The following TRPM8 variants were observed in gnomAD, a reference collection of about 807,000 sequenced individuals.
TRPM8 encodes transient receptor potential cation channel subfamily M member 8.
In TRPM8, 110 loss-of-function variants were observed where a neutral mutation model predicts 133.7. That is an observed-to-expected ratio of 0.82 (90% CI 0.70 to 0.96). The LOEUF is 0.96. TRPM8 is among the 40% of genes least tolerant of loss of function. TRPM8 has a pLI of 0.00. For synonymous variants in TRPM8, 535 were observed against 532.3 expected (o/e 1.01, Z -0.07); for missense variants, 1,291 against 1,379.5 (o/e 0.94, Z 1.02).
chr2:233,934,728 A>G (rs1041239821), intron 3 of TRPM8, among the ~76,000 whole-genome samples: 1 of 152,230 alleles, frequency 6.6e-6, no homozygotes, highest in Non-Finnish European at 1.5e-5. Flanking sequence ...CTATCAGCAG[A>G]GCAACTCCAG....
At chr2:233,998,840 C>A (rs1368704776) in intron 22 of TRPM8, among the ~76,000 whole-genome samples, 2 of 152,226 alleles carry the variant, frequency 1.3e-5, no homozygotes, top group African/African-American at 4.8e-5. Context: ...TTGCCCAGGA[C>A]TATCCCAATT....
At chr2:233,931,397 G>A (rs1691677315) in intron 3 of TRPM8, among the ~76,000 whole-genome samples, 1 of 152,130 alleles carries the variant, frequency 6.6e-6, no homozygotes, top group African/African-American at 2.4e-5. Flanking sequence ...CTGTTGGCTG[G>A]CAATGCAAGA....
rs757150662 is a variant in TRPM8, at chr2:233,937,502, A to C, written c.341A>C (p.Lys114Thr). 1 of 1,612,834 alleles carries C rather than the reference A, an allele frequency of 6.2e-7. No individual in the cohort carries two copies. Among genetic ancestry groups the C allele is most frequent in the South Asian group, 1.1e-5 (1 of 90,718 alleles). The change falls in exon 4 of 26, where the codon AAA becomes ACA. Residue 114 changes from lysine to threonine, a missense_variant. Lys to Thr is a moderately conservative substitution (Grantham distance 78). Around this residue, in one of 2 missense-constraint regions of TRPM8, gnomAD observed 963 missense variants for 968.9 expected, o/e 0.99. Coordinates refer to ENST00000324695, the MANE Select transcript of TRPM8 (RefSeq NM_024080.5). Reference protein sequence around the residue: ...GDIQFETLGKKGKYIRLSCDT... With the variant: ...GDIQFETLGKTGKYIRLSCDT... ...ATTCAGTTTGAGACACTGGGGAAGA[A>C]AGGGAAGGTAAGCAATGGTTTTCTA...
chr2:233,973,068 C>T (rs1034562808), intron 17 of TRPM8, among the ~76,000 whole-genome samples: 2 of 152,224 alleles, frequency 1.3e-5, no homozygotes, highest in Non-Finnish European at 2.9e-5. Context: ...CAGTGTTGAA[C>T]AGCAGGATTA....
intron 9 of TRPM8, among the ~76,000 whole-genome samples, chr2:233,950,365 T>C (rs1691146401): frequency 6.6e-6 from 1 of 151,950 alleles, no homozygotes; most frequent in Non-Finnish European, 1.5e-5. Context: ...TTTTTCAGAG[T>C]TTACTAAAAA....
chr2:233,962,475 C>T (rs141020596), intron 12 of TRPM8, among the ~76,000 whole-genome samples: 2 of 152,218 alleles, frequency 1.3e-5, no homozygotes, highest in East Asian at 1.9e-4. Flanking sequence ...TCCTTGAGAT[C>T]GTGTCCAAAA....
At chr2:233,953,824 T>G (rs1691226975) in intron 9 of TRPM8, 93 bp from the exon 10 acceptor site, 1 of 864,476 alleles carries the variant, frequency 1.2e-6, no homozygotes, top group Non-Finnish European at 1.8e-6. Context: ...CTACAGGTGG[T>G]CTTTTTAAAA....
At chr2:233,962,420 G>A (rs1177811984) in intron 12 of TRPM8, among the ~76,000 whole-genome samples, 2 of 151,956 alleles carry the variant, frequency 1.3e-5, no homozygotes, top group African/African-American at 4.8e-5. Context: ...CTTTTTATGG[G>A]GTTCCCTTTT....
intron 5 of TRPM8, 146 bp from the exon 6 acceptor site, chr2:233,942,430 C>T (rs1690932349): frequency 1.3e-6 from 1 of 765,488 alleles, no homozygotes; most frequent in Non-Finnish European, 2.2e-6. Flanking sequence ...CTGAGGTCCC[C>T]TCTCCTTCCT....
chr2:233,959,233 C>G (rs1377352281), intron 11 of TRPM8, among the ~76,000 whole-genome samples: 1 of 151,860 alleles, frequency 6.6e-6, no homozygotes, highest in Non-Finnish European at 1.5e-5. Context: ...ACCATGTTGA[C>G]GAGGCTGGTC....
intron 17 of TRPM8, among the ~76,000 whole-genome samples, chr2:233,977,237 A>G (rs921412906): frequency 1.3e-5 from 2 of 152,212 alleles, no homozygotes; most frequent in South Asian, 2.1e-4. Flanking sequence ...GAGTCCCATC[A>G]TGCCTTCACG....
chr2:233,927,868 TTC>T (rs765880261), intron 2 of TRPM8, among the ~76,000 whole-genome samples: 2 of 51,708 alleles, frequency 3.9e-5, no homozygotes, highest in Non-Finnish European at 6.1e-5. Context: ...TTCTCTTTCT[TTC>T]TTTCTTTCTT....
intron 9 of TRPM8, among the ~76,000 whole-genome samples, chr2:233,953,161 A>G (rs1559526521): frequency 6.6e-6 from 1 of 152,168 alleles, no homozygotes; most frequent in Non-Finnish European, 1.5e-5. Flanking sequence ...CTCACCTTCT[A>G]ATTTCCAAAT....
At chr2:233,946,616 CATA>C (rs1691049201) in intron 7 of TRPM8, among the ~76,000 whole-genome samples, 1 of 152,162 alleles carries the variant, frequency 6.6e-6, no homozygotes, top group South Asian at 2.1e-4. Context: ...TAATGATAGA[CATA>C]ATGACAGGAA....
In TRPM8 at chr2:233,966,550, G is replaced by T. The variant is rs150294587; in HGVS notation, c.1880-60G>T. On this transcript the variant is annotated intron_variant, in intron 14 of 25. Coordinates refer to ENST00000324695, the MANE Select transcript of TRPM8 (RefSeq NM_024080.5). The stretch of plus-strand genomic sequence containing the variant: ...AGGGGTTGGCTGGGGGTGGAAGCAG[G>T]ACAGTTTCGGTCATGTGCAGCTCTT... The T allele has an allele frequency of 2.6e-5, 41 of 1,605,774 alleles. No homozygotes were observed. In the East Asian group the frequency reaches 9.0e-4, roughly 35 times the overall value.
intron 1 of TRPM8, among the ~76,000 whole-genome samples, chr2:233,926,056 G>A (rs777057196): frequency 2.6e-5 from 4 of 152,208 alleles, no homozygotes; most frequent in Admixed American, 6.5e-5. Context: ...CCCTTCAGGG[G>A]CAGGGGTCTT....
chr2:233,999,419 A>G (rs1437085856), intron 22 of TRPM8, among the ~76,000 whole-genome samples: 1 of 152,076 alleles, frequency 6.6e-6, no homozygotes, highest in Non-Finnish European at 1.5e-5. Flanking sequence ...TGGTCCAAGC[A>G]AGTCACAGGC....
At chr2:233,966,997 A>T (rs1244948343) in intron 15 of TRPM8, among the ~76,000 whole-genome samples, 2 of 152,176 alleles carry the variant, frequency 1.3e-5, no homozygotes, top group Non-Finnish European at 2.9e-5. Flanking sequence ...ACAACACAGC[A>T]TCATAATTAT....
At chr2:233,987,894 C>T (rs901960163) in intron 21 of TRPM8, among the ~76,000 whole-genome samples, 9 of 151,966 alleles carry the variant, frequency 5.9e-5, no homozygotes, top group Admixed American at 1.3e-4. Flanking sequence ...CCACGTAAGA[C>T]GTGACTTGCT....
Sources: gnomAD v4.1 joint callset for allele counts (sites outside exome capture counted in the v4.1 genomes callset) on GRCh38, gnomAD v4.1.1 for gene constraint, gnomAD v4.1.1 regional missense constraint, MANE v1.5 for transcripts, NCBI Gene and HGNC (gene_info 2026-07-23, HGNC 2026-07-21) for gene names.